Variants in ODAD1 observed in about 807,000 individuals in gnomAD.
The protein encoded by ODAD1 is outer dynein arm docking complex subunit 1, also known as outer dynein arm-docking complex subunit 1.
Under a neutral mutation model 67.2 loss-of-function variants are expected in ODAD1, and 49 were observed. That is an observed-to-expected ratio of 0.73 (90% CI 0.58 to 0.92). ODAD1 has a LOEUF of 0.92. Ranked by LOEUF, ODAD1 falls within the 40% of genes least tolerant of loss-of-function variation. ODAD1 has a pLI of 0.00. For synonymous variants in ODAD1, 345 were observed against 393.7 expected, an observed-to-expected ratio of 0.88 and a Z score of 1.46; for missense variants, 897 against 953.7, an observed-to-expected ratio of 0.94 and a Z score of 0.78.
Position 48,305,428 on chromosome 19 carries a change from G to A in ODAD1, c.665+828C>T, listed in dbSNP as rs1299251909. Among the ~76,000 whole-genome samples the A allele has an allele frequency of 2.7e-5, 4 of 149,318 alleles. No homozygotes were observed. In the East Asian group the frequency reaches 7.9e-4, roughly 29 times the overall value. ...TTTTTTTTTTTTTTTCTCCTGAGAC[G>A]GAGTCTCACTCTGTTGCCCAGGCTG... is the stretch of plus-strand genomic sequence containing the variant. On this transcript the variant is annotated intron_variant, in intron 8 of 15. Transcript: ENST00000674294.
chr19:48,313,426 CAAAAAAA>C (rs568077350), intron 5 of ODAD1, among the ~76,000 whole-genome samples: 1 of 30,040 alleles, frequency 3.3e-5, no homozygotes, highest in Admixed American at 3.2e-4. Flanking sequence ...GACTCCATCT[CAAAAAAA>C]AAAAAAAAAA....
chr19:48,302,550 CTGGT>C, intron 12 of ODAD1, 140 bp downstream of exon 12: 1 of 640,414 alleles, frequency 1.6e-6, no homozygotes, highest in Middle Eastern at 4.2e-4. Context: ...GGGATAGACC[CTGGT>C]TGGAAAGATG....
In ODAD1 at chr19:48,321,706, A is replaced by G. The variant is rs893148038; in HGVS notation, c.-92T>C. The stretch of plus-strand genomic sequence containing the variant: ...GGGCCTGGAAGCGGCGGGAGTTGAA[A>G]GAGCCTGCGGTGACCTGTATGGAAG... On this transcript the variant is annotated 5_prime_UTR_variant, in exon 1 of 16. Transcript: ENST00000674294. 3 of 396,532 alleles carry G rather than the reference A, an allele frequency of 7.6e-6. No individual in the cohort carries two copies. Among genetic ancestry groups the G allele is most frequent in the Admixed American group, 4.4e-5 (1 of 22,618 alleles). The allele number at this position is 396,532 out of a possible 1,614,324, so 24.6% of individuals were successfully genotyped here.
At chr19:48,299,671 T>C (rs1365701453) in intron 12 of ODAD1, among the ~76,000 whole-genome samples, 6 of 151,208 alleles carry the variant, frequency 4.0e-5, no homozygotes, top group Non-Finnish European at 8.8e-5. Flanking sequence ...GGTGTGGTGG[T>C]GTGTGCCTGT....
At chr19:48,313,031 C>A (rs375502845) in intron 5 of ODAD1, among the ~76,000 whole-genome samples, 4 of 152,058 alleles carry the variant, frequency 2.6e-5, no homozygotes, top group Non-Finnish European at 5.9e-5. Flanking sequence ...TCTCCCTGTC[C>A]GAGACAAAGA....
intron 2 of ODAD1, 95 bp from the exon 3 acceptor site, chr19:48,320,486 G>A: frequency 1.6e-6 from 1 of 643,406 alleles, no homozygotes; most frequent in East Asian, 8.1e-5. Flanking sequence ...GAATTGAAAG[G>A]GGGTGACCCT....
chr19:48,305,729 G>C (rs1212167937), intron 8 of ODAD1, among the ~76,000 whole-genome samples: 3 of 152,034 alleles, frequency 2.0e-5, no homozygotes, highest in Admixed American at 2.0e-4. Context: ...TTATGTGCTA[G>C]ATGGGGTCAG....
Position 48,297,351 on chromosome 19 carries a change from CA to C in ODAD1, c.1748del (p.Leu583Ter). 1 of 1,611,406 alleles carries C rather than the reference CA, an allele frequency of 6.2e-7. No individual in the cohort carries two copies. Reference protein sequence around the residue: ...RHPHAIPGSILSHKTSRDRGS... With the variant: ...RHPHAIPGSIXSHKTSRDRGS... ...CACGGTCTCTGCTAGTCTTGTGGCT[CA>C]AAATGGACCCGGGGATGGCATGGGG... On this transcript the variant is annotated frameshift_variant, in exon 16 of 16. Transcript: ENST00000674294. LOFTEE classifies it low-confidence loss of function (END_TRUNC).
At chr19:48,319,330 AC>A in intron 3 of ODAD1, 1 of 485,832 alleles carries the variant, frequency 2.1e-6, no homozygotes, top group Non-Finnish European at 2.7e-6. Flanking sequence ...CCCACAGCAG[AC>A]CCTACCCCTC....
chr19:48,315,826 T>C (rs1438658732), intron 5 of ODAD1, among the ~76,000 whole-genome samples: 1 of 152,180 alleles, frequency 6.6e-6, no homozygotes, highest in Admixed American at 6.6e-5. Flanking sequence ...GATTCACCCA[T>C]GTTGTGTGTA....
intron 9 of ODAD1, 58 bp from the exon 10 acceptor site, chr19:48,303,842 C>T: frequency 1.3e-6 from 2 of 1,578,088 alleles, no homozygotes; most frequent in Non-Finnish European, 1.7e-6. Flanking sequence ...ACAGAGACCT[C>T]CTGGGTGAGG....
At chr19:48,303,132 G>C (rs369221427) in intron 10 of ODAD1, 37 bp from the exon 11 acceptor site, 8 of 1,466,540 alleles carry the variant, frequency 5.5e-6, no homozygotes, top group Non-Finnish European at 6.7e-6. Context: ...CAGAGAGAGG[G>C]AGACAGAGAA....
intron 12 of ODAD1, 104 bp from the exon 13 acceptor site, chr19:48,298,444 C>T: frequency 7.9e-7 from 1 of 1,258,784 alleles, no homozygotes; most frequent in Non-Finnish European, 1.1e-6. Flanking sequence ...AGACTGCGGT[C>T]AAGGCTCAGA....
At chr19:48,310,511 A>G (rs1968728559) in intron 7 of ODAD1, among the ~76,000 whole-genome samples, 1 of 152,216 alleles carries the variant, frequency 6.6e-6, no homozygotes. Flanking sequence ...CCTGACTTGG[A>G]TAACAGCACT....
chr19:48,319,493 G>A, intron 3 of ODAD1: 1 of 952,776 alleles, frequency 1.0e-6, no homozygotes. Context: ...TCAATCAGCG[G>A]GTGATTCTGC....
chr19:48,315,897 G>A (rs1442196756), intron 5 of ODAD1, among the ~76,000 whole-genome samples: 4 of 151,906 alleles, frequency 2.6e-5, no homozygotes, highest in Non-Finnish European at 4.4e-5. Context: ...ACCACAATTT[G>A]CTCGTCCACT....
chr19:48,300,766 A>G (rs1191525224), intron 12 of ODAD1, among the ~76,000 whole-genome samples: 1 of 152,228 alleles, frequency 6.6e-6, no homozygotes, highest in Non-Finnish European at 1.5e-5. Flanking sequence ...CAATATTATT[A>G]GTCACCAGGG....
chr19:48,304,051 C>T lies in ODAD1; in HGVS notation c.755G>A (p.Arg252Gln), dbSNP rs774866725. The T allele has an allele frequency of 5.6e-6, 9 of 1,614,206 alleles. No individual in the cohort carries two copies. Among genetic ancestry groups the T allele is most frequent in the East Asian group, 2.2e-5 (1 of 44,886 alleles). ...QSEMEAQVLQ[R>Q]QILHLEQLHH... ...CAGCTGCTCCAGGTGCAAGATCTGC[C>T]GCTGCAGGACCTGCGCCTCCATCTC... Residue 252 changes from arginine (R) to glutamine (Q), a missense_variant, in exon 9 of 16, where the codon CGG becomes CAG. Transcript: ENST00000674294.
intron 10 of ODAD1, 65 bp downstream of exon 10, chr19:48,303,585 C>G: frequency 6.3e-7 from 1 of 1,589,554 alleles, no homozygotes; most frequent in African/African-American, 1.3e-5. Context: ...CTGAGGCCAG[C>G]CTGCACTGGA....
Sources: allele counts gnomAD v4.1 joint callset (sites outside exome capture counted in the v4.1 genomes callset), GRCh38; gene constraint gnomAD v4.1.1; transcripts MANE v1.5; gene names NCBI Gene and HGNC (gene_info 2026-07-23, HGNC 2026-07-21).